CCDC150: variants seen among roughly 807,000 people sequenced by gnomAD.
The protein encoded by CCDC150 is coiled-coil domain-containing protein 150.
Under a neutral mutation model 156.5 loss-of-function variants are expected in CCDC150, and 151 were observed. The ratio of observed to expected loss-of-function variants is 0.97; its 90% CI spans 0.85 to 1.10. CCDC150 has a LOEUF of 1.10. Ranked by LOEUF, CCDC150 falls within the 50% of genes least tolerant of loss-of-function variation. The pLI, the probability that CCDC150 is intolerant of heterozygous loss-of-function variation, is 0.00. For synonymous variants in CCDC150, 452 were observed against 429.4 expected (o/e 1.05, Z -0.65); for missense variants, 1,312 against 1,268.1 (o/e 1.03, Z -0.53).
chr2:196,693,498 T>G, intron 13 of CCDC150, among the ~76,000 whole-genome samples: 1 of 152,246 alleles, frequency 6.6e-6, no homozygotes, highest in East Asian at 1.9e-4. Context: ...GATTTGCCCT[T>G]ATATCCTTCA....
intron 21 of CCDC150, among the ~76,000 whole-genome samples, chr2:196,724,370 AAATT>A (rs1226130810): frequency 1.3e-5 from 2 of 152,162 alleles, no homozygotes; most frequent in Non-Finnish European, 1.5e-5. Context: ...TTAAAATTAA[AAATT>A]AAAGTTAATA....
intron 19 of CCDC150, 116 bp from the exon 20 acceptor site, chr2:196,720,459 T>C: frequency 1.4e-6 from 1 of 717,558 alleles, no homozygotes; most frequent in Non-Finnish European, 2.3e-6. Flanking sequence ...ACTAGTGATA[T>C]ATAAGTATGA....
In CCDC150 at chr2:196,725,974, G is replaced by T; in HGVS notation, c.2431G>T (p.Asp811Tyr). 1.3e-6 allele frequency: 2 copies of T among 1,592,666 alleles called. No homozygotes were observed. Among genetic ancestry groups the T allele is most frequent in the South Asian group, 2.3e-5 (2 of 87,510 alleles). Residue 811 changes from aspartate to tyrosine, a missense_variant and splice_region_variant, in exon 22 of 28, where the codon GAC becomes TAC. Transcript: ENST00000389175. ...TATCACCTCTCTTCTTCAAAACAGA[G>T]ACCGGATGACTGAAGAGTCCAAAGT... Reference protein sequence around the residue: ...LERQNLETFKDRMTEESKVEA... With the variant: ...LERQNLETFKYRMTEESKVEA...
At chr2:196,666,900 A>C (rs752369745) in intron 7 of CCDC150, 52 bp downstream of exon 7, 3 of 1,600,062 alleles carry the variant, frequency 1.9e-6, no homozygotes, top group African/African-American at 2.7e-5. Context: ...TGGAGATTTC[A>C]TGGAAAAACT....
At chr2:196,720,409 A>T (rs1697811185) in intron 19 of CCDC150, among the ~76,000 whole-genome samples, 166 bp from the exon 20 acceptor site, 1 of 152,254 alleles carries the variant, frequency 6.6e-6, no homozygotes, top group African/African-American at 2.4e-5. Context: ...ACAGCAAGTC[A>T]ATCTTTGTAA....
At chr2:196,698,538 A>G (rs939373108) in intron 14 of CCDC150, among the ~76,000 whole-genome samples, 15 of 152,300 alleles carry the variant, frequency 9.8e-5, no homozygotes, top group African/African-American at 3.6e-4. Flanking sequence ...TCCCCATTTC[A>G]AGAAGATAGT....
At chr2:196,706,212 G>T (rs1182057695) in intron 15 of CCDC150, among the ~76,000 whole-genome samples, 1 of 152,144 alleles carries the variant, frequency 6.6e-6, no homozygotes, top group African/African-American at 2.4e-5. Context: ...GTGGTTTGTA[G>T]TTCTCCTTGA....
At chr2:196,676,771 G>A (rs1045760745) in intron 12 of CCDC150, 40 bp downstream of exon 12, 2 of 1,510,712 alleles carry the variant, frequency 1.3e-6, no homozygotes, top group Admixed American at 1.9e-5. Flanking sequence ...TCATTGTGGT[G>A]TGATGATGTT....
At chr2:196,645,890 C>T (rs1304229223) in intron 1 of CCDC150, among the ~76,000 whole-genome samples, 1 of 152,076 alleles carries the variant, frequency 6.6e-6, no homozygotes, top group Non-Finnish European at 1.5e-5. Context: ...ATGAAAATGG[C>T]TAGTAATAAA....
At position 196,712,262 on chromosome 2, in the gene CCDC150, A is replaced by G. The variant is rs1453677406; in HGVS notation, c.1803+10A>G. The G allele has an allele frequency of 7.2e-7, 1 of 1,395,232 alleles. No homozygotes were observed. The highest frequency in any genetic ancestry group is 1.4e-5 in the African/African-American group (1 of 69,248). 86.4% of individuals were successfully genotyped at this position (1,395,232 alleles called of 1,614,324 possible). On this transcript the variant is annotated intron_variant, in intron 16 of 27. Coordinates refer to ENST00000389175, the MANE Select transcript of CCDC150 (RefSeq NM_001080539.2). The stretch of plus-strand genomic sequence containing the variant: ...GACTAAATATGCTCAGGTGTGATTA[A>G]TATCTACAAAAGCGGATTGCTGCTA...
intron 8 of CCDC150, 36 bp from the exon 9 acceptor site, chr2:196,672,309 T>C: frequency 8.8e-7 from 1 of 1,141,108 alleles, no homozygotes; most frequent in African/African-American, 1.6e-5. Flanking sequence ...TAGTATCTCT[T>C]ATATGTGAAA....
intron 22 of CCDC150, 74 bp downstream of exon 22, chr2:196,726,173 G>A (rs1267196724): frequency 2.6e-6 from 4 of 1,537,520 alleles, no homozygotes; most frequent in Non-Finnish European, 3.6e-6. Flanking sequence ...TCAGAGAATG[G>A]CTACAGTTGT....
intron 14 of CCDC150, among the ~76,000 whole-genome samples, chr2:196,699,026 A>G (rs1696012514): frequency 6.6e-6 from 1 of 152,250 alleles, no homozygotes; most frequent in Admixed American, 6.5e-5. Flanking sequence ...ATGATTTTGT[A>G]TCATAGTTCC....
Position 196,713,059 on chromosome 2 carries a change from A to G in CCDC150, c.1866+320A>G, listed in dbSNP as rs1575934043. On this transcript the variant is annotated intron_variant, in intron 17 of 27. Transcript: ENST00000389175. Reference sequence around the variant, plus strand: ...GAACTAAAATATGTTTTCAAATGGAATACTCATAGAGTTCTAACCACTTGA... The same window carrying G: ...GAACTAAAATATGTTTTCAAATGGAGTACTCATAGAGTTCTAACCACTTGA... The G allele has an allele frequency of 1.5e-5, 7 of 478,522 alleles. No homozygotes were observed. The East Asian group carries it at 2.4e-4, about 16-fold the overall frequency. 29.6% of individuals were successfully genotyped at this position (478,522 alleles called of 1,614,324 possible).
At chr2:196,661,024 A>G (rs1000772803) in intron 5 of CCDC150, among the ~76,000 whole-genome samples, 9 of 152,218 alleles carry the variant, frequency 5.9e-5, no homozygotes, top group African/African-American at 9.6e-5. Flanking sequence ...GTGGATGTCC[A>G]GTGTTTCCAG....
intron 13 of CCDC150, among the ~76,000 whole-genome samples, chr2:196,691,113 T>C (rs1199215023): frequency 1.3e-5 from 2 of 152,212 alleles, no homozygotes; most frequent in East Asian, 3.8e-4. Context: ...TGCCAGTATT[T>C]CACTGAGGAT....
chr2:196,646,825 A>G (rs1220480040), intron 2 of CCDC150, among the ~76,000 whole-genome samples: 1 of 83,838 alleles, frequency 1.2e-5, no homozygotes, highest in African/African-American at 3.2e-5. Flanking sequence ...TTAAAATAAA[A>G]AGAGACATAT....
At chr2:196,670,179 G>C (rs948078968) in intron 8 of CCDC150, among the ~76,000 whole-genome samples, 1 of 151,876 alleles carries the variant, frequency 6.6e-6, no homozygotes. Flanking sequence ...ACTACTTTTT[G>C]GTGTTGGTGG....
chr2:196,678,387 T>C (rs1342077270), intron 13 of CCDC150, among the ~76,000 whole-genome samples: 1 of 152,150 alleles, frequency 6.6e-6, no homozygotes, highest in Non-Finnish European at 1.5e-5. Flanking sequence ...AGAGGAGAAA[T>C]GCTAGAGTTT....
Sources: gnomAD v4.1 joint callset for allele counts (sites outside exome capture counted in the v4.1 genomes callset) on GRCh38, gnomAD v4.1.1 for gene constraint, MANE v1.5 for transcripts, NCBI Gene and HGNC (gene_info 2026-07-23, HGNC 2026-07-21) for gene names.